The following EPS8L1 variants were observed in gnomAD, a reference collection of about 807,000 sequenced individuals.
EPS8L1 encodes epidermal growth factor receptor kinase substrate 8-like protein 1.
A neutral mutation model predicts 91.7 loss-of-function variants in EPS8L1; 101 were observed. The observed-to-expected ratio is 1.10, with a 90% CI of 0.94 to 1.30. The LOEUF is 1.30. Ranked by LOEUF, EPS8L1 falls within the 50% of genes most tolerant of loss-of-function variation. The pLI is 0.00. For synonymous variants in EPS8L1, 506 were observed against 445.3 expected, an observed-to-expected ratio of 1.14 and a Z score of -1.72; for missense variants, 1,114 against 1,017.0, an observed-to-expected ratio of 1.10 and a Z score of -1.30.
At chr19:55,078,157 C>G in intron 3 of EPS8L1, 29 bp downstream of exon 3, 6 of 1,611,476 alleles carry the variant, frequency 3.7e-6, no homozygotes, top group South Asian at 1.1e-5. Context: ...AGCCCCAGGC[C>G]CATAGAACTG....
rs553234513 is a variant in EPS8L1 at position 55,086,750 on chromosome 19, T to C, written c.1814T>C (p.Leu605Pro). ...CAGATGCTCATCGTCAACGAGGAACTGCAGGCGCGCCTGGCCCAGGGCCGC... is the reference window on the plus strand; with the variant it reads ...CAGATGCTCATCGTCAACGAGGAACCGCAGGCGCGCCTGGCCCAGGGCCGC... ...FSQMLIVNEE[L>P]QARLAQGRSG... The change falls in exon 18 of 20, where the codon CTG becomes CCG. Residue 605 changes from leucine (L) to proline (P), a missense_variant. Coordinates refer to ENST00000201647, the MANE Select transcript of EPS8L1 (RefSeq NM_133180.3). The C allele has an allele frequency of 3.1e-6, 5 of 1,608,832 alleles. No homozygotes were observed. The highest frequency in any genetic ancestry group is 4.2e-6 in the Non-Finnish European group (5 of 1,178,166).
intron 17 of EPS8L1, 77 bp from the exon 18 acceptor site, chr19:55,086,637 C>CCCCCCCCCCCCCCCCCCCTGCG: frequency 7.3e-7 from 1 of 1,374,364 alleles, no homozygotes; most frequent in Non-Finnish European, 1.0e-6. Flanking sequence ...GCTGGAGCGC[C>CCCCCCCCCCCCCCCCCCCTGCG]CCCCCGCCCC....
rs138787875 is a variant in EPS8L1, at chr19:55,079,720, G to A, written c.148G>A (p.Asp50Asn). 339 of 1,614,144 alleles carry A rather than the reference G, an allele frequency of 2.1e-4. 2 individuals carry two copies. The highest frequency in any genetic ancestry group is 8.3e-5 in the Admixed American group (5 of 60,016). Residue 50 changes from aspartate to asparagine, a missense_variant, in exon 5 of 20, where the codon GAT (aspartate) becomes AAT (asparagine). Coordinates refer to ENST00000201647, the MANE Select transcript of EPS8L1 (RefSeq NM_133180.3). ...GGTGACGTTCTGCCTGGGTGAGGAC[G>A]ATGGCGTGCATACCGTGGAGGATGC... ...HLVTFCLGED[D>N]GVHTVEDASR...
At chr19:55,082,649 A>C in intron 12 of EPS8L1, 47 bp downstream of exon 12, 1 of 1,513,608 alleles carries the variant, frequency 6.6e-7, no homozygotes, top group Non-Finnish European at 8.9e-7. Flanking sequence ...TTGGAGGAGC[A>C]TAAGGCGCTG....
In EPS8L1 at chr19:55,082,272, C is replaced by A; in HGVS notation, c.991-3C>A. ...GCCAACCACCTCCCTCCCCACGCCC[C>A]AGGCCCGGCTGCGCGGCAACATCGC... On this transcript the variant is annotated splice_region_variant and splice_polypyrimidine_tract_variant and intron_variant, in intron 10 of 19. Transcript: ENST00000201647. 4.3e-6 allele frequency: 7 copies of A among 1,611,568 alleles called. No individual in the cohort carries two copies. The highest frequency in any genetic ancestry group is 5.9e-6 in the Non-Finnish European group (7 of 1,179,304).
At chr19:55,086,979 G>A (rs2076359782) in intron 18 of EPS8L1, 91 bp downstream of exon 18, 2 of 1,383,440 alleles carry the variant, frequency 1.4e-6, no homozygotes, top group Admixed American at 3.5e-5. Flanking sequence ...GGCGGCAGTC[G>A]TGGAGACCAC....
Position 55,082,146 on chromosome 19 carries a change from T to A in EPS8L1, c.956T>A (p.Val319Glu). Reference sequence around the variant, plus strand: ...CCCTCGGAGGCCGAGTACACCGACGTGCTGCAGAAGATCAAGTACGCCTTC... The same window carrying A: ...CCCTCGGAGGCCGAGTACACCGACGAGCTGCAGAAGATCAAGTACGCCTTC... ...KPPSEAEYTD[V>E]LQKIKYAFSL... The change falls in exon 10 of 20, where the codon GTG (valine) becomes GAG (glutamate). Residue 319 changes from valine to glutamate, a missense_variant. Physicochemically the swap from Val to Glu is moderately radical, Grantham distance 121 (BLOSUM62 -2). Coordinates refer to ENST00000201647, the MANE Select transcript of EPS8L1 (RefSeq NM_133180.3). 2 of 1,604,348 alleles carry A rather than the reference T, an allele frequency of 1.2e-6. No individual in the cohort carries two copies. The highest frequency in any genetic ancestry group is 1.7e-6 in the Non-Finnish European group (2 of 1,176,082).
At chr19:55,077,345 A>G (rs902680728) in intron 2 of EPS8L1, among the ~76,000 whole-genome samples, 2 of 152,166 alleles carry the variant, frequency 1.3e-5, no homozygotes, top group African/African-American at 4.8e-5. Context: ...CTTAAGAATG[A>G]TAATAACAGT....
Position 55,081,494 on chromosome 19 carries a change from T to A in EPS8L1, c.774+2T>A. 1 of 1,576,158 alleles carries A rather than the reference T, an allele frequency of 6.3e-7. No homozygotes were observed. The highest frequency in any genetic ancestry group is 8.6e-7 in the Non-Finnish European group (1 of 1,161,550). On this transcript the variant is annotated splice_donor_variant, in intron 8 of 19. Transcript: ENST00000201647. LOFTEE classifies it high-confidence loss of function. This position sits in a 1 kb window ranked among gnomAD's most constrained non-coding sequence, Gnocchi z 4.9. ...GTTCTGCAGGCGGAGCGGGAAGTGG[T>A]GAGCCGCTAAGGAAGGGGTCTGGGG... is the stretch of plus-strand genomic sequence containing the variant.
At chr19:55,085,151 C>T (rs148945466) in intron 14 of EPS8L1, among the ~76,000 whole-genome samples, 1 of 152,260 alleles carries the variant, frequency 6.6e-6, no homozygotes, top group African/African-American at 2.4e-5. Context: ...GCCCAGCACA[C>T]AGTAAGTGGT....
intron 17 of EPS8L1, 60 bp from the exon 18 acceptor site, chr19:55,086,654 T>TG: frequency 1.4e-6 from 1 of 734,736 alleles, no homozygotes; most frequent in Admixed American, 3.0e-5. Flanking sequence ...CCCCGCCCTC[T>TG]GGCCCCAGGA....
Position 55,086,206 on chromosome 19 carries a change from G to C in EPS8L1, c.1650+14G>C. 7 of 1,592,890 alleles carry C rather than the reference G, an allele frequency of 4.4e-6. No individual in the cohort carries two copies. Among genetic ancestry groups the C allele is most frequent in the Non-Finnish European group, 6.0e-6 (7 of 1,169,070 alleles). ...GCCCGCAGCCTGGTGAGCCAGCGCAGACGCTGGGATCTTGAGGGTGGAGAG... is the reference window on the plus strand; with the variant it reads ...GCCCGCAGCCTGGTGAGCCAGCGCACACGCTGGGATCTTGAGGGTGGAGAG... On this transcript the variant is annotated intron_variant, in intron 16 of 19. Transcript: ENST00000201647.
rs1349326726 is a variant in EPS8L1, at chr19:55,082,555, T to G, written c.1167T>G (p.Arg389=). The G allele has an allele frequency of 3.7e-6, 6 of 1,600,572 alleles. No individual in the cohort carries two copies. Among genetic ancestry groups the G allele is most frequent in the Non-Finnish European group, 4.3e-6 (5 of 1,174,390 alleles). The change falls in exon 12 of 20, where the codon CGT becomes CGG. Residue 389 remains arginine, a synonymous_variant. Coordinates refer to ENST00000201647, the MANE Select transcript of EPS8L1 (RefSeq NM_133180.3). ...TGCTGCGGGACAACGTCACTCCACG[T>G]GAAAACGAGCTCTGGACCTCGCTGG... ...VALLRDNVTP[R]ENELWTSLGD...
chr19:55,079,905 T>G, intron 5 of EPS8L1, 54 bp downstream of exon 5: 1 of 1,538,942 alleles, frequency 6.5e-7, no homozygotes, highest in Non-Finnish European at 8.8e-7. Flanking sequence ...CTTCAGGGGG[T>G]CTGGGTGTGA....
Position 55,078,830 on chromosome 19 carries a change from T to C in EPS8L1, c.59-169T>C, listed in dbSNP as rs185987664. Reference sequence around the variant, plus strand: ...GGGCTGGGGGCCTGGACTCCTGGGTTTGAGGGAGGAGGGGCTGGGGGCCTG... The same window carrying C: ...GGGCTGGGGGCCTGGACTCCTGGGTCTGAGGGAGGAGGGGCTGGGGGCCTG... On this transcript the variant is annotated intron_variant, in intron 3 of 19. Coordinates refer to ENST00000201647, the MANE Select transcript of EPS8L1 (RefSeq NM_133180.3). Among the ~76,000 whole-genome samples the C allele has an allele frequency of 8.9e-3, 108 of 12,098 alleles. 17 individuals carry two copies. Among genetic ancestry groups the C allele is most frequent in the Middle Eastern group, 0.062 (2 of 32 alleles). 7.9% of individuals were successfully genotyped at this position (12,098 alleles called of 152,430 possible).
Position 55,081,268 on chromosome 19 carries a change from G to A in EPS8L1, c.550G>A (p.Ala184Thr). 6.5e-7 allele frequency: 1 copy of A among 1,530,566 alleles called. No individual in the cohort carries two copies. Among genetic ancestry groups the A allele is most frequent in the South Asian group, 1.2e-5 (1 of 81,570 alleles). The allele number at this position is 1,530,566 out of a possible 1,614,324, so 94.8% of individuals were successfully genotyped here. A position where few individuals can be genotyped will look rare whatever the true frequency, so the allele number is the denominator to read the frequency against. The stretch of plus-strand genomic sequence containing the variant: ...GGAGTTGCAGCGCGACCGCTCGCCC[G>A]CCGCTGAGACCCCGCCCCTGCAGCG... ...QEELQRDRSP[A>T]AETPPLQRRP... The change falls in exon 8 of 20, where the codon GCC becomes ACC. Residue 184 changes from alanine (A) to threonine (T), a missense_variant. By Grantham distance (58) the Ala-to-Thr change is moderately conservative. Coordinates refer to ENST00000201647, the MANE Select transcript of EPS8L1 (RefSeq NM_133180.3). This position sits in a 1 kb window ranked among gnomAD's most constrained non-coding sequence, Gnocchi z 4.9.
chr19:55,079,834 C>G lies in EPS8L1; in HGVS notation c.262C>G (p.Leu88Val). 6.2e-7 allele frequency: 1 copy of G among 1,613,110 alleles called. No individual in the cohort carries two copies. The highest frequency in any genetic ancestry group is 8.5e-7 in the Non-Finnish European group (1 of 1,179,604). ...AGTGTCTCCCGACCATGTCACGCTGCTCGACCCGGCCTCCAAGGTGCCGGG... is the reference window on the plus strand; with the variant it reads ...AGTGTCTCCCGACCATGTCACGCTGGTCGACCCGGCCTCCAAGGTGCCGGG... ...LRVSPDHVTLLDPASKEELES... is the reference protein window; with the variant it reads ...LRVSPDHVTLVDPASKEELES... The change falls in exon 5 of 20, where the codon CTC (leucine) becomes GTC (valine). Residue 88 changes from leucine to valine, a missense_variant. Coordinates refer to ENST00000201647, the MANE Select transcript of EPS8L1 (RefSeq NM_133180.3).
intron 17 of EPS8L1, 79 bp from the exon 18 acceptor site, chr19:55,086,635 G>GCCCCCC (rs397766751): frequency 2.1e-5 from 28 of 1,308,026 alleles, no homozygotes; most frequent in Admixed American, 7.0e-5. Flanking sequence ...ACGCTGGAGC[G>GCCCCCC]CCCCCCCGCC....
At chr19:55,086,637 C>CCCCCCCCCCCCCCCCCCCGGG in intron 17 of EPS8L1, 77 bp from the exon 18 acceptor site, 11 of 1,374,334 alleles carry the variant, frequency 8.0e-6, no homozygotes, top group Non-Finnish European at 1.1e-5. Flanking sequence ...GCTGGAGCGC[C>CCCCCCCCCCCCCCCCCCCGGG]CCCCCGCCCC....
Sources: gnomAD v4.1 joint callset for allele counts (sites outside exome capture counted in the v4.1 genomes callset) on GRCh38, gnomAD v4.1.1 for gene constraint, Gnocchi (gnomAD v3.1) non-coding constraint, MANE v1.5 for transcripts, NCBI Gene and HGNC (gene_info 2026-07-23, HGNC 2026-07-21) for gene names.